ITGA2: variants seen among roughly 807,000 people sequenced by gnomAD.
ITGA2 encodes the protein integrin subunit alpha 2.
ITGA2 carries 101 observed loss-of-function variants against 146.3 expected under a neutral mutation model. The ratio of observed to expected loss-of-function variants is 0.69; its 90% CI spans 0.59 to 0.81. The LOEUF (loss-of-function observed/expected upper bound fraction) is 0.81, where lower values mean the gene tolerates loss of function less well. ITGA2 is among the 40% of genes least tolerant of loss of function. The probability of loss-of-function intolerance (pLI) is 0.00; values close to 1 mark genes in which losing one functional copy is unlikely to be tolerated. For synonymous variants in ITGA2, 477 were observed against 487.1 expected (o/e 0.98, Z 0.27); for missense variants, 1,281 against 1,402.7 (o/e 0.91, Z 1.39).
intron 1 of ITGA2, among the ~76,000 whole-genome samples, chr5:52,997,308 G>T (rs1161672958): frequency 1.3e-5 from 2 of 152,186 alleles, no homozygotes; most frequent in Admixed American, 6.5e-5. Context: ...TTCTGAAAAG[G>T]TGACTGAAAT....
intron 25 of ITGA2, 123 bp downstream of exon 25, chr5:53,080,744 G>C (rs1378153064): frequency 5.4e-6 from 4 of 747,658 alleles, no homozygotes; most frequent in African/African-American, 1.7e-5. Context: ...TGCAGCCTGG[G>C]TGCCAACTGA....
intron 1 of ITGA2, among the ~76,000 whole-genome samples, chr5:52,991,104 G>A (rs1332829359): frequency 6.6e-6 from 1 of 152,168 alleles, no homozygotes; most frequent in Non-Finnish European, 1.5e-5. Flanking sequence ...TTAACCTGGA[G>A]TTAATAAGGA....
At chr5:53,033,762 TAA>T (rs1319297041) in intron 2 of ITGA2, among the ~76,000 whole-genome samples, 25 of 109,664 alleles carry the variant, frequency 2.3e-4, no homozygotes, top group African/African-American at 7.8e-4. Flanking sequence ...CATACTAGGC[TAA>T]TTTTTTTTTT....
Position 53,051,626 on chromosome 5 carries a change from GA to G in ITGA2, c.779+72del, listed in dbSNP as rs1453223794. ...AACATTATATTTATGTAATAAATAT[GA>G]AAAAGTAAGGAAAAGACAAAGAAAA... On this transcript the variant is annotated intron_variant, in intron 7 of 29. Transcript: ENST00000296585. The G allele has an allele frequency of 8.3e-6, 12 of 1,451,630 alleles. No homozygotes were observed. In the African/African-American group the frequency reaches 1.6e-4, roughly 19 times the overall value. The allele number at this position is 1,451,630 out of a possible 1,614,324, so 89.9% of individuals were successfully genotyped here. A position where few individuals can be genotyped will look rare whatever the true frequency, so the allele number is the denominator to read the frequency against.
chr5:52,992,604 C>G (rs891519548), intron 1 of ITGA2, among the ~76,000 whole-genome samples: 1 of 152,222 alleles, frequency 6.6e-6, no homozygotes, highest in African/African-American at 2.4e-5. Context: ...TCTCTTGGCT[C>G]TCCTCCCATC....
At chr5:53,081,724 C>T (rs538918564) in intron 26 of ITGA2, 28 bp downstream of exon 26, 2 of 1,439,556 alleles carry the variant, frequency 1.4e-6, no homozygotes, top group Admixed American at 1.7e-5. Context: ...TGTGAAAGCT[C>T]CCCTCATTCA....
Position 53,051,543 on chromosome 5 carries a change from G to C in ITGA2, c.763G>C (p.Ala255Pro), listed in dbSNP as rs750877208. ...YGGDLTNTFG[A>P]IQYARKYAYS... Reference sequence around the variant, plus strand: ...TGGGGACCTCACAAACACATTCGGAGCAATTCAATATGCAAGGTAAGTTTT... The same window carrying C: ...TGGGGACCTCACAAACACATTCGGACCAATTCAATATGCAAGGTAAGTTTT... The change falls in exon 7 of 30, where the codon GCA becomes CCA. Residue 255 changes from alanine to proline, a missense_variant. Physicochemically the swap from Ala to Pro is conservative, Grantham distance 27. Coordinates refer to ENST00000296585, the MANE Select transcript of ITGA2 (RefSeq NM_002203.4). 2 of 1,613,356 alleles carry C rather than the reference G, an allele frequency of 1.2e-6. No individual in the cohort carries two copies. The highest frequency in any genetic ancestry group is 2.2e-5 in the South Asian group (2 of 91,068).
intron 1 of ITGA2, among the ~76,000 whole-genome samples, chr5:53,018,588 C>T (rs1006060353): frequency 1.3e-5 from 2 of 152,090 alleles, no homozygotes; most frequent in African/African-American, 2.4e-5. Flanking sequence ...TTCCCAATGT[C>T]CTGGTTTCTC....
At chr5:53,082,235 G>A (rs1279142318) in intron 26 of ITGA2, among the ~76,000 whole-genome samples, 2 of 152,000 alleles carry the variant, frequency 1.3e-5, no homozygotes, top group African/African-American at 2.4e-5. Flanking sequence ...CATGGTGCTC[G>A]GCACATATTA....
At chr5:53,021,291 T>C (rs1742669766) in intron 1 of ITGA2, among the ~76,000 whole-genome samples, 1 of 152,202 alleles carries the variant, frequency 6.6e-6, no homozygotes, top group African/African-American at 2.4e-5. Flanking sequence ...TTTTTTAGAT[T>C]GCTAGAAATT....
chr5:53,026,071 A>G (rs996298381), intron 1 of ITGA2, among the ~76,000 whole-genome samples: 4 of 152,222 alleles, frequency 2.6e-5, no homozygotes, highest in African/African-American at 7.2e-5. Context: ...ATCAAAAACA[A>G]AACACTTTTG....
intron 1 of ITGA2, among the ~76,000 whole-genome samples, chr5:53,001,324 A>G (rs1369158458): frequency 2.0e-5 from 3 of 152,170 alleles, no homozygotes; most frequent in East Asian, 1.9e-4. Context: ...CCCTGGAGGT[A>G]CTAGAATTCC....
At chr5:53,073,643 C>T (rs185382986) in intron 20 of ITGA2, among the ~76,000 whole-genome samples, 15 of 151,968 alleles carry the variant, frequency 9.9e-5, no homozygotes, top group East Asian at 3.9e-4. Context: ...AGATGATGCA[C>T]GCCAGCAAAG....
rs536738408 is a variant in ITGA2, at chr5:53,063,594, G to A, written c.1602+665G>A. Among the ~76,000 whole-genome samples the A allele has an allele frequency of 3.3e-5, 5 of 151,906 alleles. No homozygotes were observed. The South Asian group carries it at 6.2e-4, about 19-fold the overall frequency. ...GAAAACCAAATTAAAGGCACAGATTGACATAGAAAATTATATGCTCCTTAG... is the reference window on the plus strand; with the variant it reads ...GAAAACCAAATTAAAGGCACAGATTAACATAGAAAATTATATGCTCCTTAG... On this transcript the variant is annotated intron_variant, in intron 13 of 29. Coordinates refer to ENST00000296585, the MANE Select transcript of ITGA2 (RefSeq NM_002203.4).
At chr5:53,042,249 G>A (rs371492141) in intron 3 of ITGA2, 28 bp downstream of exon 3, 14 of 1,332,174 alleles carry the variant, frequency 1.1e-5, no homozygotes, top group African/African-American at 2.9e-5. Context: ...TGCAAGGCAT[G>A]TGATTTGTCT....
chr5:53,043,220 T>A (rs1233594739), intron 3 of ITGA2, among the ~76,000 whole-genome samples: 1 of 151,532 alleles, frequency 6.6e-6, no homozygotes, highest in Non-Finnish European at 1.5e-5. Flanking sequence ...ATATTTCTAA[T>A]AACACAAATA....
At chr5:53,061,777 G>A (rs565143220) in intron 12 of ITGA2, among the ~76,000 whole-genome samples, 227 of 151,986 alleles carry the variant, frequency 1.5e-3, no homozygotes, top group Middle Eastern at 6.8e-3. Flanking sequence ...CCAACAAAAA[G>A]TGGTTTCCTT....
chr5:53,074,330 C>A, intron 20 of ITGA2, 55 bp from the exon 21 acceptor site: 2 of 1,420,732 alleles, frequency 1.4e-6, no homozygotes, highest in South Asian at 1.2e-5. Flanking sequence ...TGCGTGCATA[C>A]ACACACAAAT....
rs140608388 is a variant in ITGA2 at position 53,035,560 on chromosome 5, T to C, written c.186-6552T>C. Among the ~76,000 whole-genome samples, 13 of 152,330 alleles carry C rather than the reference T, an allele frequency of 8.5e-5. 1 individual carries two copies. Among genetic ancestry groups the C allele is most frequent in the African/African-American group, 3.1e-4 (13 of 41,560 alleles). On this transcript the variant is annotated intron_variant, in intron 2 of 29. Coordinates refer to ENST00000296585, the MANE Select transcript of ITGA2 (RefSeq NM_002203.4). ...AATACTAAAATTGCCTTTCAATATATGCCAAAGAATTTAACTATTAAATTT... is the reference window on the plus strand; with the variant it reads ...AATACTAAAATTGCCTTTCAATATACGCCAAAGAATTTAACTATTAAATTT...
Sources: allele counts gnomAD v4.1 joint callset (sites outside exome capture counted in the v4.1 genomes callset), GRCh38; gene constraint gnomAD v4.1.1; transcripts MANE v1.5; gene names NCBI Gene and HGNC (gene_info 2026-07-23, HGNC 2026-07-21).